Variants in GALNT1 observed in about 807,000 individuals in gnomAD.
GALNT1 encodes GalNAc transferase 1.
GALNT1 carries 17 observed loss-of-function variants against 65.7 expected under a neutral mutation model. The ratio of observed to expected loss-of-function variants is 0.26; its 90% confidence interval spans 0.18 to 0.39. The LOEUF (loss-of-function observed/expected upper bound fraction) is 0.39. Among genes scored for constraint, GALNT1 ranks in the 10% least tolerant of loss-of-function variants. GALNT1 has a pLI of 1.00. For synonymous variants in GALNT1, 210 were observed against 219.7 expected, an observed-to-expected ratio of 0.96 and a Z score of 0.39; for missense variants, 460 against 672.8, an observed-to-expected ratio of 0.68 and a Z score of 3.50.
chr18:35,624,077 C>T (rs1445010674), intron 1 of GALNT1, among the ~76,000 whole-genome samples: 1 of 152,186 alleles, frequency 6.6e-6, no homozygotes, highest in East Asian at 1.9e-4. Context: ...TGGCATTGGG[C>T]AACATCATTG....
chr18:35,668,763 T>A (rs1298177726), intron 3 of GALNT1, among the ~76,000 whole-genome samples: 1 of 152,118 alleles, frequency 6.6e-6, no homozygotes, highest in Non-Finnish European at 1.5e-5. Context: ...AAAAGGTAGA[T>A]CTCATGGTAA....
chr18:35,683,481 G>C lies in GALNT1; in HGVS notation c.572G>C (p.Arg191Thr). Residue 191 changes from arginine (R) to threonine (T), a missense_variant, in exon 5 of 12, where the codon AGA (arginine) becomes ACA (threonine). Arg to Thr is a moderately conservative substitution (Grantham distance 71). Coordinates refer to ENST00000269195, the MANE Select transcript of GALNT1 (RefSeq NM_020474.4). The part of the protein sequence containing the change: ...IRMEQRSGLI[R>T]ARLKGAAVSK... ...ATGGAACAACGTTCTGGATTGATCA[G>C]AGCTAGATTAAAAGGAGCTGCTGTG... The C allele has an allele frequency of 3.1e-6, 5 of 1,613,846 alleles. No homozygotes were observed. The highest frequency in any genetic ancestry group is 4.2e-6 in the Non-Finnish European group (5 of 1,179,858).
chr18:35,583,170 A>C (rs1411426789), intron 1 of GALNT1, among the ~76,000 whole-genome samples: 1 of 152,148 alleles, frequency 6.6e-6, no homozygotes, highest in Admixed American at 6.5e-5. Flanking sequence ...TTTCCATGGT[A>C]CTCCGAGTCC....
At chr18:35,620,480 TA>T (rs148949262) in intron 1 of GALNT1, among the ~76,000 whole-genome samples, 1,960 of 152,270 alleles carry the variant, frequency 0.013, 46 homozygotes, top group African/African-American at 0.045. Context: ...TTATATAAAA[TA>T]ATTTCTGATA....
chr18:35,622,327 C>T (rs2046863577), intron 1 of GALNT1, among the ~76,000 whole-genome samples: 1 of 152,096 alleles, frequency 6.6e-6, no homozygotes, highest in Non-Finnish European at 1.5e-5. Flanking sequence ...TCACAGCTCA[C>T]TGCAGCTTCG....
At chr18:35,705,931 C>T (rs2048250568) in intron 11 of GALNT1, among the ~76,000 whole-genome samples, 1 of 152,072 alleles carries the variant, frequency 6.6e-6, no homozygotes, top group African/African-American at 2.4e-5. Context: ...AGGAATGGTA[C>T]ACTACCACAT....
At chr18:35,623,854 G>A (rs906197255) in intron 1 of GALNT1, among the ~76,000 whole-genome samples, 2 of 152,132 alleles carry the variant, frequency 1.3e-5, no homozygotes, top group Non-Finnish European at 2.9e-5. Flanking sequence ...TATAGTCCTT[G>A]CCAACTGATT....
Position 35,692,340 on chromosome 18 carries a change from A to ATATTCTATGTGGTTATTATGTTC in GALNT1, c.1299+22_1299+44dup, listed in dbSNP as rs2047980214. On this transcript the variant is annotated intron_variant, in intron 9 of 11. Transcript: ENST00000269195. ...GGAGAGGTAAGAAATATATATATATATATTCTATGTGGTTATTATGTTCTT... is the reference window on the plus strand; with the variant it reads ...GGAGAGGTAAGAAATATATATATATATATTCTATGTGGTTATTATGTTCTATTCTATGTGGTTATTATGTTCTT... 1 of 1,424,200 alleles carries ATATTCTATGTGGTTATTATGTTC rather than the reference A, an allele frequency of 7.0e-7. No individual in the cohort carries two copies. The highest frequency in any genetic ancestry group is 1.5e-5 in the African/African-American group (1 of 68,326). 88.2% of individuals were successfully genotyped at this position (1,424,200 alleles called of 1,614,324 possible).
At chr18:35,641,423 A>C (rs1215565032) in intron 1 of GALNT1, among the ~76,000 whole-genome samples, 1 of 152,206 alleles carries the variant, frequency 6.6e-6, no homozygotes, top group Non-Finnish European at 1.5e-5. Context: ...CAACCTGGGC[A>C]ACAGAGGGAG....
At chr18:35,685,033 C>G (rs1192378847) in intron 5 of GALNT1, among the ~76,000 whole-genome samples, 2 of 152,106 alleles carry the variant, frequency 1.3e-5, no homozygotes, top group Non-Finnish European at 2.9e-5. Flanking sequence ...AGAGGGGAAA[C>G]AAATCTCCCC....
chr18:35,697,406 T>C (rs1250631143), intron 9 of GALNT1, among the ~76,000 whole-genome samples: 3 of 152,236 alleles, frequency 2.0e-5, no homozygotes, highest in African/African-American at 4.8e-5. Flanking sequence ...TGGGCAATAC[T>C]ATTTTACATC....
chr18:35,681,980 T>C (rs2047793453), intron 4 of GALNT1, among the ~76,000 whole-genome samples: 1 of 152,156 alleles, frequency 6.6e-6, no homozygotes, highest in Admixed American at 6.6e-5. Context: ...AAATATATAA[T>C]GAGACTAGCA....
At chr18:35,606,034 C>T (rs1191824626) in intron 1 of GALNT1, among the ~76,000 whole-genome samples, 3 of 152,180 alleles carry the variant, frequency 2.0e-5, no homozygotes, top group African/African-American at 7.2e-5. Flanking sequence ...TATCCCAAAA[C>T]CTCAGTGGCT....
At position 35,710,199 on chromosome 18, in the gene GALNT1, A is replaced by G. The variant is rs182728814; in HGVS notation, c.*429A>G. ...CCTGATTAGAACTGGTAGCCAGTAT[A>G]TTAAATATTGATATAAAAATAAAAG... is the stretch of plus-strand genomic sequence containing the variant. On this transcript the variant is annotated 3_prime_UTR_variant, in exon 12 of 12. Transcript: ENST00000269195. 1 of 154,598 alleles carries G rather than the reference A, an allele frequency of 6.5e-6. No individual in the cohort carries two copies. The highest frequency in any genetic ancestry group is 1.4e-5 in the Non-Finnish European group (1 of 69,262). 9.6% of individuals were successfully genotyped at this position (154,598 alleles called of 1,614,324 possible).
intron 1 of GALNT1, among the ~76,000 whole-genome samples, chr18:35,583,415 A>G (rs147946304): frequency 1.1e-3 from 162 of 152,320 alleles, no homozygotes; most frequent in African/African-American, 3.7e-3. Context: ...GCAGACTGCA[A>G]AACTCTTGGG....
At chr18:35,637,658 G>C (rs7241047) in intron 1 of GALNT1, among the ~76,000 whole-genome samples, 1 of 152,078 alleles carries the variant, frequency 6.6e-6, no homozygotes, top group Non-Finnish European at 1.5e-5. Context: ...GTTATCCAGA[G>C]GATCTAGCTA....
intron 3 of GALNT1, among the ~76,000 whole-genome samples, chr18:35,667,622 A>G (rs1202287642): frequency 6.6e-6 from 1 of 152,018 alleles, no homozygotes; most frequent in Non-Finnish European, 1.5e-5. Flanking sequence ...CAGCTGGTGG[A>G]TATTCTCTTA....
intron 1 of GALNT1, among the ~76,000 whole-genome samples, chr18:35,650,475 G>A (rs559331405): frequency 1.3e-5 from 2 of 152,168 alleles, no homozygotes; most frequent in Non-Finnish European, 2.9e-5. Flanking sequence ...CAGACAACCG[G>A]TCTGATCAAA....
intron 1 of GALNT1, among the ~76,000 whole-genome samples, chr18:35,623,912 T>C (rs2144132593): frequency 6.6e-6 from 1 of 152,360 alleles, no homozygotes; most frequent in South Asian, 2.1e-4. Context: ...CTGCTTATTT[T>C]CTTGACTCAA....
Sources: gnomAD v4.1 joint callset for allele counts (sites outside exome capture counted in the v4.1 genomes callset) on GRCh38, gnomAD v4.1.1 for gene constraint, MANE v1.5 for transcripts, NCBI Gene and HGNC (gene_info 2026-07-23, HGNC 2026-07-21) for gene names.